Variants in DCBLD1 observed in about 807,000 individuals in gnomAD.
DCBLD1 encodes discoidin, CUB and LCCL domain-containing protein 1.
In DCBLD1, 57 loss-of-function variants were observed where a neutral mutation model predicts 71.5. The observed-to-expected ratio is 0.80, with a 90% confidence interval of 0.64 to 0.99. DCBLD1 has a LOEUF of 0.99. DCBLD1 is among the 50% of genes least tolerant of loss of function. The pLI is 0.00. For missense variants in DCBLD1, 891 were observed against 923.5 expected, an observed-to-expected ratio of 0.96 and a Z score of 0.46; for synonymous variants, 380 against 363.8, an observed-to-expected ratio of 1.04 and a Z score of -0.51.
At chr6:117,544,737 G>A (rs1416454085) in intron 13 of DCBLD1, among the ~76,000 whole-genome samples, 160 bp downstream of exon 13, 1 of 152,018 alleles carries the variant, frequency 6.6e-6, no homozygotes, top group Admixed American at 6.5e-5. Context: ...GAAATTTATT[G>A]TGTTCTGTCT....
intron 1 of DCBLD1, among the ~76,000 whole-genome samples, chr6:117,495,675 A>G: frequency 6.6e-6 from 1 of 151,942 alleles, no homozygotes; most frequent in East Asian, 1.9e-4. Context: ...AGGTGTGTCA[A>G]CTCTCCTCCC....
In DCBLD1 at chr6:117,482,767, G is replaced by C; in HGVS notation, c.-15G>C. 1 of 1,133,844 alleles carries C rather than the reference G, an allele frequency of 8.8e-7. No individual in the cohort carries two copies. The highest frequency in any genetic ancestry group is 1.1e-6 in the Non-Finnish European group (1 of 925,528). The allele number at this position is 1,133,844 out of a possible 1,614,324, so 70.2% of individuals were successfully genotyped here. A position where few individuals can be genotyped will look rare whatever the true frequency, so the allele number is the denominator to read the frequency against. On this transcript the variant is annotated 5_prime_UTR_variant, in exon 1 of 15. Transcript: ENST00000338728. ...AGGGGAGGCCGAGCTTGCCAAGCTG[G>C]CGCCCAGCGGGGTCATGGTGCCCGG...
chr6:117,490,267 G>A (rs1327909035), intron 1 of DCBLD1, among the ~76,000 whole-genome samples: 23 of 152,124 alleles, frequency 1.5e-4, no homozygotes, highest in Non-Finnish European at 4.4e-5. Flanking sequence ...CTGCTCCCTA[G>A]TCTGTGTATG....
chr6:117,555,729 C>A (rs912153168), intron 14 of DCBLD1, among the ~76,000 whole-genome samples: 2 of 152,276 alleles, frequency 1.3e-5, no homozygotes, highest in African/African-American at 4.8e-5. Context: ...GCACAATCAT[C>A]ATTTTTAGAA....
At chr6:117,497,499 T>C (rs1777510283) in intron 1 of DCBLD1, among the ~76,000 whole-genome samples, 1 of 152,218 alleles carries the variant, frequency 6.6e-6, no homozygotes, top group Non-Finnish European at 1.5e-5. Context: ...TAAGCTTATT[T>C]AGAAAGTAGC....
At chr6:117,490,877 T>C (rs537772918) in intron 1 of DCBLD1, among the ~76,000 whole-genome samples, 1 of 152,352 alleles carries the variant, frequency 6.6e-6, no homozygotes, top group Admixed American at 6.5e-5. Context: ...CATTTGAGCA[T>C]GTTTAGTGAT....
intron 1 of DCBLD1, among the ~76,000 whole-genome samples, chr6:117,495,600 G>A (rs1777441867): frequency 6.6e-6 from 1 of 152,124 alleles, no homozygotes; most frequent in Admixed American, 6.5e-5. Context: ...CAGAATCCAG[G>A]TTGTAACCAT....
intron 5 of DCBLD1, among the ~76,000 whole-genome samples, chr6:117,528,545 T>C (rs1778614731): frequency 6.6e-6 from 1 of 152,302 alleles, no homozygotes; most frequent in South Asian, 2.1e-4. Flanking sequence ...TCTGGGATGA[T>C]TTGATAGTTG....
In DCBLD1 at chr6:117,547,939, A is replaced by T; in HGVS notation, c.1648A>T (p.Thr550Ser). Residue 550 changes from threonine to serine, a missense_variant, in exon 15 of 15, where the codon ACA (threonine) becomes TCA (serine). Coordinates refer to ENST00000338728, the MANE Select transcript of DCBLD1 (RefSeq NM_001366458.2). ...YQQPLMIGTG[T>S]VTRKGSTFRP... ...GCAGCCCCTCATGATTGGCACCGGG[A>T]CAGTCACGAGGAAGGGCTCCACCTT... The T allele has an allele frequency of 6.4e-7, 1 of 1,550,548 alleles. No homozygotes were observed. Among genetic ancestry groups the T allele is most frequent in the South Asian group, 1.2e-5 (1 of 84,058 alleles).
chr6:117,563,441 G>T, intron 14 of DCBLD1: 4 of 1,547,064 alleles, frequency 2.6e-6, no homozygotes, highest in East Asian at 2.2e-5. Context: ...GTTGGTTTTG[G>T]TCAGGTGCAG....
intron 14 of DCBLD1, chr6:117,563,383 T>A: frequency 6.2e-7 from 1 of 1,612,436 alleles, no homozygotes; most frequent in Non-Finnish European, 8.5e-7. Context: ...TCTTATTAAA[T>A]CCTGAAAGAA....
intron 1 of DCBLD1, among the ~76,000 whole-genome samples, chr6:117,491,513 T>C (rs1300690040): frequency 6.6e-6 from 1 of 152,220 alleles, no homozygotes; most frequent in African/African-American, 2.4e-5. Context: ...TAAGGATTTC[T>C]TGACTTTTTT....
At chr6:117,490,147 TACAC>T (rs891185148) in intron 1 of DCBLD1, among the ~76,000 whole-genome samples, 1 of 152,010 alleles carries the variant, frequency 6.6e-6, no homozygotes, top group Admixed American at 6.6e-5. Context: ...TACATGTGTG[TACAC>T]ACACATTTAC....
At chr6:117,527,001 G>A (rs1778565669) in intron 5 of DCBLD1, among the ~76,000 whole-genome samples, 1 of 152,166 alleles carries the variant, frequency 6.6e-6, no homozygotes, top group South Asian at 2.1e-4. Context: ...CTCATGTGGT[G>A]TTGACAGCAT....
At chr6:117,545,747 T>A in intron 14 of DCBLD1, 150 bp downstream of exon 14, 1 of 1,193,842 alleles carries the variant, frequency 8.4e-7, no homozygotes, top group Non-Finnish European at 1.1e-6. Flanking sequence ...TGCACAGAAT[T>A]ACAAACTGAC....
Position 117,532,377 on chromosome 6 carries a change from G to T in DCBLD1, c.703G>T (p.Gly235Cys), listed in dbSNP as rs1167608222. 6.2e-7 allele frequency: 1 copy of T among 1,609,944 alleles called. No homozygotes were observed. Among genetic ancestry groups the T allele is most frequent in the Admixed American group, 1.7e-5 (1 of 58,740 alleles). The change falls in exon 6 of 15, where the codon GGT (glycine) becomes TGT (cysteine). Residue 235 changes from glycine to cysteine, a missense_variant. Physicochemically the swap from Gly to Cys is radical, Grantham distance 159. Transcript: ENST00000338728. ...TCGATATGAAGGGATTCTGGCCAAT[G>T]GTGTTCTTTCGAGGGAGTAAGTATT... The part of the protein sequence containing the change: ...ISRYEGILAN[G>C]VLSRDGSLSD...
intron 1 of DCBLD1, among the ~76,000 whole-genome samples, chr6:117,487,569 A>G (rs1443148331): frequency 1.3e-5 from 2 of 152,150 alleles, no homozygotes; most frequent in Admixed American, 1.3e-4. Flanking sequence ...GGTTGCAGTG[A>G]GCTGAGATTG....
At chr6:117,535,232 T>C (rs1778845746) in intron 6 of DCBLD1, among the ~76,000 whole-genome samples, 1 of 152,164 alleles carries the variant, frequency 6.6e-6, no homozygotes, top group South Asian at 2.1e-4. Flanking sequence ...TCCGGTCAGG[T>C]CATTTCCTTG....
At chr6:117,505,119 G>C (rs1777795454) in intron 2 of DCBLD1, among the ~76,000 whole-genome samples, 1 of 152,152 alleles carries the variant, frequency 6.6e-6, no homozygotes, top group African/African-American at 2.4e-5. Flanking sequence ...TAATCCCTAG[G>C]AGCATTGTCT....
Sources: gnomAD v4.1 joint callset for allele counts (sites outside exome capture counted in the v4.1 genomes callset) on GRCh38, gnomAD v4.1.1 for gene constraint, MANE v1.5 for transcripts, NCBI Gene and HGNC (gene_info 2026-07-23, HGNC 2026-07-21) for gene names.